The following PDSS2 variants were observed in gnomAD, a reference collection of about 807,000 sequenced individuals.
PDSS2 encodes the protein all trans-polyprenyl-diphosphate synthase PDSS2.
PDSS2 carries 31 observed loss-of-function variants against 44.5 expected under a neutral mutation model. The observed-to-expected ratio is 0.70, with a 90% confidence interval of 0.52 to 0.94. The LOEUF is 0.94. Ranked by LOEUF, PDSS2 falls within the 40% of genes least tolerant of loss-of-function variation. The probability of loss-of-function intolerance (pLI) is 0.00; values close to 1 mark genes in which losing one functional copy is unlikely to be tolerated. For missense variants in PDSS2, 452 were observed against 482.2 expected (o/e 0.94, Z 0.59); for synonymous variants, 157 against 180.3 (o/e 0.87, Z 1.03).
chr6:107,256,533 AG>A (rs1775029109), intron 3 of PDSS2, among the ~76,000 whole-genome samples: 1 of 152,216 alleles, frequency 6.6e-6, no homozygotes, highest in African/African-American at 2.4e-5. Flanking sequence ...TGTACTCTAA[AG>A]GCAGGCACAG....
chr6:107,218,650 T>A (rs143626520), intron 4 of PDSS2, among the ~76,000 whole-genome samples: 7 of 152,326 alleles, frequency 4.6e-5, no homozygotes, highest in Non-Finnish European at 1.0e-4. Flanking sequence ...TAATATAGTA[T>A]CTTAGGTGGG....
Position 107,391,842 on chromosome 6 carries a change from A to G in PDSS2, c.297-57510T>C, listed in dbSNP as rs561343835. 1.6e-4 allele frequency among the ~76,000 whole-genome samples: 22 copies of G among 141,812 alleles called. No individual in the cohort carries two copies. In the East Asian group the frequency reaches 3.7e-3, roughly 24 times the overall value. 93.0% of individuals were successfully genotyped at this position (141,812 alleles called of 152,430 possible). On this transcript the variant is annotated intron_variant, in intron 1 of 7. Transcript: ENST00000369037. The stretch of plus-strand genomic sequence containing the variant: ...AATGCTTCATAGATTTTGAAAAAAA[A>G]GATACATGCTCATTTTTTTTTAAGA...
At chr6:107,446,944 T>C (rs60613750) in intron 1 of PDSS2, among the ~76,000 whole-genome samples, 4,070 of 151,446 alleles carry the variant, frequency 0.027, 204 homozygotes, top group African/African-American at 0.094. Flanking sequence ...CTTCCAAAAG[T>C]CCCCCAAAGT....
At chr6:107,334,366 T>C in intron 1 of PDSS2, 34 bp from the exon 2 acceptor site, 1 of 1,601,664 alleles carries the variant, frequency 6.2e-7, no homozygotes, top group Middle Eastern at 1.7e-4. Flanking sequence ...AGGATTAATA[T>C]ACCCTCACGA....
chr6:107,394,024 T>C (rs567672440), intron 1 of PDSS2, among the ~76,000 whole-genome samples: 13 of 152,322 alleles, frequency 8.5e-5, no homozygotes, highest in Admixed American at 7.8e-4. Context: ...GCTTTTTATC[T>C]GGAAGATTTA....
intron 1 of PDSS2, among the ~76,000 whole-genome samples, chr6:107,430,311 C>T (rs538513826): frequency 2.0e-5 from 3 of 152,042 alleles, no homozygotes; most frequent in African/African-American, 4.8e-5. Flanking sequence ...ACTAGCCTGG[C>T]GAACACGACA....
At chr6:107,217,167 C>G (rs1186542336) in intron 4 of PDSS2, among the ~76,000 whole-genome samples, 1 of 152,112 alleles carries the variant, frequency 6.6e-6, no homozygotes, top group Non-Finnish European at 1.5e-5. Context: ...AGACAAACGG[C>G]GAATCTCCCT....
At chr6:107,295,045 C>T (rs576456892) in intron 2 of PDSS2, among the ~76,000 whole-genome samples, 3 of 152,282 alleles carry the variant, frequency 2.0e-5, no homozygotes, top group East Asian at 1.9e-4. Context: ...GATTCTCCTG[C>T]CCCAGCCTCC....
At position 107,202,095 on chromosome 6, in the gene PDSS2, G is replaced by T. The variant is rs1772797489; in HGVS notation, c.1009-8241C>A. Reference sequence around the variant, plus strand: ...CCTCTGTTGCCCAGGCTAGAGTGCAGTGGCACAATCATGGTTCACTGTAGC... The same window carrying T: ...CCTCTGTTGCCCAGGCTAGAGTGCATTGGCACAATCATGGTTCACTGTAGC... On this transcript the variant is annotated intron_variant, in intron 6 of 7. Coordinates refer to ENST00000369037, the MANE Select transcript of PDSS2 (RefSeq NM_020381.4). Among the ~76,000 whole-genome samples the T allele has an allele frequency of 2.6e-5, 4 of 152,308 alleles. No homozygotes were observed. The East Asian group carries it at 7.7e-4, about 29-fold the overall frequency.
intron 2 of PDSS2, among the ~76,000 whole-genome samples, chr6:107,285,108 C>T (rs892262405): frequency 1.3e-5 from 2 of 152,102 alleles, no homozygotes; most frequent in African/African-American, 4.8e-5. Context: ...TAATAAATAT[C>T]CCAAACACAA....
At chr6:107,203,996 G>T (rs1772882745) in intron 6 of PDSS2, among the ~76,000 whole-genome samples, 1 of 150,754 alleles carries the variant, frequency 6.6e-6, no homozygotes, top group Non-Finnish European at 1.5e-5. Flanking sequence ...ACGCTGGAGT[G>T]CAGTAGCATG....
intron 6 of PDSS2, among the ~76,000 whole-genome samples, chr6:107,200,483 A>G (rs1268985545): frequency 6.6e-6 from 1 of 152,166 alleles, no homozygotes. Flanking sequence ...TTTGAGGATC[A>G]TTGGTCTGGC....
intron 7 of PDSS2, among the ~76,000 whole-genome samples, chr6:107,173,732 T>A (rs1466718285): frequency 4.6e-5 from 7 of 152,106 alleles, no homozygotes; most frequent in Admixed American, 3.3e-4. Context: ...AATTTTCAGA[T>A]GTCACACAGC....
chr6:107,375,861 A>G (rs1336419164), intron 1 of PDSS2, among the ~76,000 whole-genome samples: 1 of 152,214 alleles, frequency 6.6e-6, no homozygotes, highest in Non-Finnish European at 1.5e-5. Context: ...CTAAGAACAG[A>G]AGGTTGGTTT....
chr6:107,194,648 C>T (rs533824794), intron 6 of PDSS2, among the ~76,000 whole-genome samples: 3 of 152,328 alleles, frequency 2.0e-5, no homozygotes, highest in Admixed American at 2.0e-4. Flanking sequence ...GGCTGTTTCA[C>T]TCTTAGTAAT....
At chr6:107,219,170 C>T (rs1424731826) in intron 4 of PDSS2, among the ~76,000 whole-genome samples, 1 of 152,118 alleles carries the variant, frequency 6.6e-6, no homozygotes, top group African/African-American at 2.4e-5. Flanking sequence ...TTTTATAGTA[C>T]CAAGCAATAC....
At chr6:107,202,232 A>T (rs982363740) in intron 6 of PDSS2, among the ~76,000 whole-genome samples, 2 of 152,030 alleles carry the variant, frequency 1.3e-5, no homozygotes, top group Admixed American at 6.6e-5. Flanking sequence ...TAGAGATGGG[A>T]TCTTGCTATG....
chr6:107,407,941 C>T (rs57956032), intron 1 of PDSS2, among the ~76,000 whole-genome samples: 10,539 of 152,172 alleles, frequency 0.069, 434 homozygotes, highest in Non-Finnish European at 0.092. Flanking sequence ...CCTCGTGATC[C>T]GCCTGCCTAG....
At chr6:107,353,467 T>G (rs1459867408) in intron 1 of PDSS2, among the ~76,000 whole-genome samples, 2 of 152,202 alleles carry the variant, frequency 1.3e-5, no homozygotes, top group African/African-American at 2.4e-5. Flanking sequence ...TCTCCTTCTG[T>G]AATTTTTCTC....
Sources: allele counts gnomAD v4.1 joint callset (sites outside exome capture counted in the v4.1 genomes callset), GRCh38; gene constraint gnomAD v4.1.1; transcripts MANE v1.5; gene names NCBI Gene and HGNC (gene_info 2026-07-23, HGNC 2026-07-21).